The following SMCHD1 variants were observed in gnomAD, a reference collection of about 807,000 sequenced individuals.
SMCHD1 encodes the protein structural maintenance of chromosomes flexible hinge domain containing 1.
SMCHD1 carries 78 observed loss-of-function variants against 254.7 expected under a neutral mutation model. The observed-to-expected ratio is 0.31, with a 90% confidence interval of 0.26 to 0.37. The LOEUF (loss-of-function observed/expected upper bound fraction) is 0.37, where lower values mean the gene tolerates loss of function less well. Among genes scored for constraint, SMCHD1 ranks in the 10% least tolerant of loss-of-function variants. The probability of loss-of-function intolerance (pLI) is 1.00; values close to 1 mark genes in which losing one functional copy is unlikely to be tolerated. For missense variants in SMCHD1, 1,840 were observed against 2,408.1 expected (o/e 0.76, Z 4.94); for synonymous variants, 766 against 794.9 (o/e 0.96, Z 0.61).
intron 22 of SMCHD1, among the ~76,000 whole-genome samples, chr18:2,727,942 C>T (rs57856975): frequency 1.1e-4 from 16 of 151,956 alleles, no homozygotes; most frequent in African/African-American, 3.9e-4. Flanking sequence ...AAGTATAAGC[C>T]TACTTTTCTT....
Position 2,718,447 on chromosome 18 carries a change from GTAA to G in SMCHD1, c.2458+16_2458+18del, listed in dbSNP as rs1229843908. On this transcript the variant is annotated intron_variant, in intron 19 of 47. Coordinates refer to ENST00000320876, the MANE Select transcript of SMCHD1 (RefSeq NM_015295.3). This position sits in a 1 kb window ranked among gnomAD's most constrained non-coding sequence, Gnocchi z 4.6. ...TTTTCTGTTAAAGGTAAGCAAAACAGTAATATATAATTATATATGCTAAAGGTG... is the reference window on the plus strand; with the variant it reads ...TTTTCTGTTAAAGGTAAGCAAAACAGTATATAATTATATATGCTAAAGGTG... 5.7e-6 allele frequency: 9 copies of G among 1,584,938 alleles called. No individual in the cohort carries two copies. The highest frequency in any genetic ancestry group is 1.7e-4 in the Middle Eastern group (1 of 5,946).
intron 44 of SMCHD1, among the ~76,000 whole-genome samples, chr18:2,782,936 T>A (rs2076180922): frequency 6.6e-6 from 1 of 152,094 alleles, no homozygotes; most frequent in Admixed American, 6.6e-5. Context: ...AACAAATGAT[T>A]TTTGAATTTG....
At chr18:2,658,507 T>C (rs2073140816) in intron 1 of SMCHD1, among the ~76,000 whole-genome samples, 1 of 152,234 alleles carries the variant, frequency 6.6e-6, no homozygotes, top group Non-Finnish European at 1.5e-5. Flanking sequence ...AAGGAAAATA[T>C]TTCTTTTAAC....
chr18:2,740,558 AT>A (rs1267578450), intron 27 of SMCHD1, 144 bp from the exon 28 acceptor site: 1 of 391,590 alleles, frequency 2.6e-6, no homozygotes, highest in African/African-American at 2.1e-5. Flanking sequence ...AATTTAAAAA[AT>A]GAGTATAATT....
rs1332202350 is a variant in SMCHD1 at position 2,690,974 on chromosome 18, AC to A, written c.873+2229del. Among the ~76,000 whole-genome samples, 957 of 135,164 alleles carry A rather than the reference AC, an allele frequency of 7.1e-3. 4 individuals carry two copies. Among genetic ancestry groups the A allele is most frequent in the Non-Finnish European group, 0.012 (745 of 62,262 alleles). The allele number at this position is 135,164 out of a possible 152,430, so 88.7% of individuals were successfully genotyped here. ...TTGATAATTGAAAAAAAAAAAAAAAACCTTTTCTTTCATTAGTTGATGGGTT... is the reference window on the plus strand; with the variant it reads ...TTGATAATTGAAAAAAAAAAAAAAAACTTTTCTTTCATTAGTTGATGGGTT... On this transcript the variant is annotated intron_variant, in intron 7 of 47. Transcript: ENST00000320876.
intron 24 of SMCHD1, among the ~76,000 whole-genome samples, chr18:2,730,405 C>T (rs555222054): frequency 1.2e-3 from 190 of 152,158 alleles, no homozygotes; most frequent in Non-Finnish European, 2.3e-3. Flanking sequence ...CTCCTGAGCT[C>T]GTGATCCACC....
chr18:2,660,915 C>T (rs1181195388), intron 1 of SMCHD1, among the ~76,000 whole-genome samples: 4 of 152,148 alleles, frequency 2.6e-5, no homozygotes, highest in East Asian at 1.9e-4. Context: ...ATAGTAAAGA[C>T]GTGGGACCAA....
At chr18:2,767,853 G>A (rs1177083076) in intron 37 of SMCHD1, among the ~76,000 whole-genome samples, 1 of 151,878 alleles carries the variant, frequency 6.6e-6, no homozygotes, top group Non-Finnish European at 1.5e-5. Flanking sequence ...GCCTCCCAAA[G>A]TGCTGGGATT....
chr18:2,656,048 G>GTCGCTGTCT lies in SMCHD1; in HGVS notation c.-26_-18dup. 1 of 1,323,002 alleles carries GTCGCTGTCT rather than the reference G, an allele frequency of 7.6e-7. No homozygotes were observed. The highest frequency in any genetic ancestry group is 2.2e-5 in the South Asian group (1 of 45,492). The allele number at this position is 1,323,002 out of a possible 1,614,324, so 82.0% of individuals were successfully genotyped here. The stretch of plus-strand genomic sequence containing the variant: ...AGCCCTGAGCCCGGCGGCGGCAGGC[G>GTCGCTGTCT]TCGCTGTCTTTTCTCCTTTTCCCCA... On this transcript the variant is annotated 5_prime_UTR_variant, in exon 1 of 48. Transcript: ENST00000320876.
chr18:2,795,045 T>TG (rs537377211), intron 45 of SMCHD1, among the ~76,000 whole-genome samples: 10 of 152,010 alleles, frequency 6.6e-5, no homozygotes, highest in African/African-American at 2.4e-4. Flanking sequence ...CTGGGTTTTT[T>TG]TTTTGTTTTG....
rs983997267 is a variant in SMCHD1 at position 2,750,050 on chromosome 18, C to T, written c.3935C>T (p.Pro1312Leu). 6.4e-7 allele frequency: 1 copy of T among 1,563,168 alleles called. No individual in the cohort carries two copies. ...GTTTTGTTTTGTTTTTAGCTCATGC[C>T]TTCAAACCAACAGCATAAAACAGAT... Reference protein sequence around the residue: ...LTKASNLKLMPSNQQHKTDEK... With the variant: ...LTKASNLKLMLSNQQHKTDEK... Residue 1312 changes from proline to leucine, a missense_variant, in exon 31 of 48, where the codon CCT (proline) becomes CTT (leucine). Pro to Leu is a moderately conservative substitution (Grantham distance 98, BLOSUM62 -3). Coordinates refer to ENST00000320876, the MANE Select transcript of SMCHD1 (RefSeq NM_015295.3).
intron 5 of SMCHD1, among the ~76,000 whole-genome samples, chr18:2,681,586 CA>C (rs11338546): frequency 0.65 from 61,611 of 95,164 alleles, 17,806 homozygotes; most frequent in East Asian, 0.83. Flanking sequence ...TCCTATCTCT[CA>C]AAAAAAAAAA....
chr18:2,795,148 G>A lies in SMCHD1; in HGVS notation c.5720-801G>A, dbSNP rs557843671. ...AGCTCACTGCAAGCTCTGCTTCCCG[G>A]GTTCACGCCATTCTCCTGCCTCAGC... is the stretch of plus-strand genomic sequence containing the variant. On this transcript the variant is annotated intron_variant, in intron 45 of 47. Transcript: ENST00000320876. Among the ~76,000 whole-genome samples the A allele has an allele frequency of 7.0e-4, 106 of 152,132 alleles. No homozygotes were observed. The Middle Eastern group carries it at 0.02, about 29-fold the overall frequency.
In SMCHD1 at chr18:2,688,673, C is replaced by G. The variant is rs867398351; in HGVS notation, c.799C>G (p.Leu267Val). The G allele has an allele frequency of 1.1e-5, 17 of 1,558,630 alleles. No homozygotes were observed. The highest frequency in any genetic ancestry group is 1.4e-5 in the Non-Finnish European group (16 of 1,149,248). Residue 267 changes from leucine to valine, a missense_variant, in exon 7 of 48, where the codon CTT (leucine) becomes GTT (valine). Coordinates refer to ENST00000320876, the MANE Select transcript of SMCHD1 (RefSeq NM_015295.3). Reference sequence around the variant, plus strand: ...TTCCCAAGATGTTCACGAGCTTGTGCTTTCTAAAGAAGATTTTGAGAAGAA... The same window carrying G: ...TTCCCAAGATGTTCACGAGCTTGTGGTTTCTAAAGAAGATTTTGAGAAGAA... ...ADSQDVHELV[L>V]SKEDFEKKEK...
Position 2,674,004 on chromosome 18 carries a change from T to TAAAA in SMCHD1, c.508-11_508-10insAAAA. 1 of 1,566,602 alleles carries TAAAA rather than the reference T, an allele frequency of 6.4e-7. No homozygotes were observed. The highest frequency in any genetic ancestry group is 8.6e-7 in the Non-Finnish European group (1 of 1,157,724). On this transcript the variant is annotated splice_polypyrimidine_tract_variant and intron_variant, in intron 4 of 47. Transcript: ENST00000320876. ...CTTTTCCTGTCTTTTTGAACTTATTTTGTTTCATAGCTTTTTGATGAAACA... is the reference window on the plus strand; with the variant it reads ...CTTTTCCTGTCTTTTTGAACTTATTTAAAATGTTTCATAGCTTTTTGATGAAACA...
intron 17 of SMCHD1, among the ~76,000 whole-genome samples, chr18:2,717,177 C>G (rs570824518): frequency 6.6e-6 from 1 of 152,248 alleles, no homozygotes; most frequent in Non-Finnish European, 1.5e-5. Context: ...GGGTGGAGCA[C>G]TTCCCACTGT....
At chr18:2,784,701 C>T in intron 45 of SMCHD1, 80 bp downstream of exon 45, 1 of 1,382,884 alleles carries the variant, frequency 7.2e-7, no homozygotes, top group Non-Finnish European at 9.8e-7. Flanking sequence ...TTTTGAGAAT[C>T]TAACATGAAA....
rs2076396615 is a variant in SMCHD1 at position 2,803,333 on chromosome 18, T to C, written c.*781T>C. On this transcript the variant is annotated 3_prime_UTR_variant, in exon 48 of 48. Coordinates refer to ENST00000320876, the MANE Select transcript of SMCHD1 (RefSeq NM_015295.3). ...TTAATTTTACATTTACATTATTTTG[T>C]AATTTTTTATTACTATTTTTAAGGG... is the stretch of plus-strand genomic sequence containing the variant. The C allele has an allele frequency of 6.6e-6, 1 of 151,372 alleles. No individual in the cohort carries two copies. Among genetic ancestry groups the C allele is most frequent in the Admixed American group, 6.6e-5 (1 of 15,168 alleles). The allele number at this position is 151,372 out of a possible 1,614,324, so 9.4% of individuals were successfully genotyped here.
chr18:2,747,467 G>A, intron 29 of SMCHD1, 55 bp from the exon 30 acceptor site: 2 of 1,441,420 alleles, frequency 1.4e-6, no homozygotes, highest in Non-Finnish European at 1.9e-6. Flanking sequence ...ACAAGTAATT[G>A]CATTGTTTGG....
Sources: gnomAD v4.1 joint callset for allele counts (sites outside exome capture counted in the v4.1 genomes callset) on GRCh38, gnomAD v4.1.1 for gene constraint, Gnocchi (gnomAD v3.1) non-coding constraint, MANE v1.5 for transcripts, NCBI Gene and HGNC (gene_info 2026-07-23, HGNC 2026-07-21) for gene names.